HECW2: variants seen among roughly 807,000 people sequenced by gnomAD.
HECW2 encodes E3 ubiquitin-protein ligase HECW2.
Under a neutral mutation model 175.2 loss-of-function variants are expected in HECW2, and 61 were observed. The ratio of observed to expected loss-of-function variants is 0.35; its 90% confidence interval spans 0.28 to 0.43. The LOEUF is 0.43. Among genes scored for constraint, HECW2 ranks in the 20% least tolerant of loss-of-function variants. The pLI, the probability that HECW2 is intolerant of heterozygous loss-of-function variation, is 1.00. For missense variants in HECW2, 1,524 were observed against 2,000.5 expected (o/e 0.76, Z 4.54); for synonymous variants, 671 against 731.0 (o/e 0.92, Z 1.32).
chr2:196,591,835 A>G (rs1419321628), intron 1 of HECW2, among the ~76,000 whole-genome samples: 1 of 152,166 alleles, frequency 6.6e-6, no homozygotes, highest in Non-Finnish European at 1.5e-5. Flanking sequence ...CCCCATCCAG[A>G]TTAGGCCTTT....
intron 19 of HECW2, among the ~76,000 whole-genome samples, chr2:196,244,528 G>A (rs1688576840): frequency 6.6e-6 from 1 of 152,040 alleles, no homozygotes. Context: ...ACCACTTTGC[G>A]GCAGCCACTC....
At chr2:196,254,601 TCTC>T (rs1559466822) in intron 18 of HECW2, among the ~76,000 whole-genome samples, 2 of 152,318 alleles carry the variant, frequency 1.3e-5, no homozygotes, top group South Asian at 4.1e-4. Flanking sequence ...TCTTCTTTCT[TCTC>T]CATACTGAAA....
intron 1 of HECW2, among the ~76,000 whole-genome samples, chr2:196,496,207 A>G (rs1276579248): frequency 6.6e-6 from 1 of 151,538 alleles, no homozygotes; most frequent in Non-Finnish European, 1.5e-5. Context: ...TTACCTTTGT[A>G]TGTGTGTGTG....
intron 1 of HECW2, among the ~76,000 whole-genome samples, chr2:196,581,401 G>A (rs1690776057): frequency 6.6e-6 from 1 of 152,090 alleles, no homozygotes; most frequent in Non-Finnish European, 1.5e-5. Context: ...GGGCATGGTG[G>A]CATGTGCCTG....
chr2:196,559,980 T>G (rs988722633), intron 1 of HECW2, among the ~76,000 whole-genome samples: 2 of 152,176 alleles, frequency 1.3e-5, no homozygotes, highest in Admixed American at 1.3e-4. Flanking sequence ...CCAGTTCACT[T>G]GCAGAGAGGG....
chr2:196,356,397 A>C (rs1039456030), intron 2 of HECW2, among the ~76,000 whole-genome samples: 1 of 152,190 alleles, frequency 6.6e-6, no homozygotes, highest in South Asian at 2.1e-4. Context: ...GAAAATATTA[A>C]ATGGAAAATT....
At chr2:196,448,929 GA>G (rs1364188498) in intron 1 of HECW2, among the ~76,000 whole-genome samples, 2 of 151,926 alleles carry the variant, frequency 1.3e-5, no homozygotes, top group Admixed American at 6.6e-5. Flanking sequence ...TTTTTTGGGG[GA>G]AAAAATAATA....
At chr2:196,489,033 G>T (rs1687101985) in intron 1 of HECW2, among the ~76,000 whole-genome samples, 1 of 152,112 alleles carries the variant, frequency 6.6e-6, no homozygotes, top group Admixed American at 6.5e-5. Flanking sequence ...ACAAAAAAGA[G>T]ACTTGGGAGT....
At chr2:196,464,558 C>T (rs553556929) in intron 1 of HECW2, among the ~76,000 whole-genome samples, 2 of 152,266 alleles carry the variant, frequency 1.3e-5, no homozygotes, top group East Asian at 1.9e-4. Flanking sequence ...TAAAGTATAA[C>T]TCCCAGGATT....
At chr2:196,459,266 G>C (rs1036722996) in intron 1 of HECW2, among the ~76,000 whole-genome samples, 10 of 152,184 alleles carry the variant, frequency 6.6e-5, no homozygotes, top group African/African-American at 2.2e-4. Flanking sequence ...TAGCTGAAGA[G>C]AGATGGGAGA....
Position 196,569,468 on chromosome 2 carries a change from A to G in HECW2, c.-36+24040T>C, listed in dbSNP as rs373043322. ...AAAATGACTTCTGTCTACTTTTTCC[A>G]TATGATACTTTTTTATGCTTCTCTA... On this transcript the variant is annotated intron_variant, in intron 1 of 28. Transcript: ENST00000644978. Among the ~76,000 whole-genome samples the G allele has an allele frequency of 8.5e-5, 13 of 152,332 alleles. No homozygotes were observed. The East Asian group carries it at 2.3e-3, about 27-fold the overall frequency.
chr2:196,509,693 A>T (rs115685400), intron 1 of HECW2, among the ~76,000 whole-genome samples: 4 of 152,220 alleles, frequency 2.6e-5, no homozygotes. Context: ...TCCCTTAAAT[A>T]AAAAGGACAT....
At chr2:196,589,282 AAGGTGAC>A (rs1323641301) in intron 1 of HECW2, among the ~76,000 whole-genome samples, 4 of 152,214 alleles carry the variant, frequency 2.6e-5, no homozygotes, top group Non-Finnish European at 5.9e-5. Context: ...GAGTTTGGGA[AAGGTGAC>A]AGCCATAATT....
intron 2 of HECW2, among the ~76,000 whole-genome samples, chr2:196,407,234 G>A (rs1225663063): frequency 6.7e-6 from 1 of 150,260 alleles, no homozygotes; most frequent in Non-Finnish European, 1.5e-5. Flanking sequence ...TTAAGACAGG[G>A]TCTCTCCTGG....
intron 2 of HECW2, among the ~76,000 whole-genome samples, chr2:196,432,112 T>G (rs1413421658): frequency 1.3e-5 from 2 of 152,148 alleles, no homozygotes; most frequent in Non-Finnish European, 2.9e-5. Context: ...CATATCCCCC[T>G]ACCCAGTTGT....
At chr2:196,426,703 A>G (rs1695557465) in intron 2 of HECW2, among the ~76,000 whole-genome samples, 2 of 152,130 alleles carry the variant, frequency 1.3e-5, no homozygotes, top group Admixed American at 1.3e-4. Context: ...TCAGCACAGG[A>G]AAGAAAAATG....
intron 1 of HECW2, among the ~76,000 whole-genome samples, chr2:196,475,417 G>A (rs924825870): frequency 4.3e-5 from 6 of 140,838 alleles, no homozygotes; most frequent in African/African-American, 1.3e-4. Context: ...GAGGGGAGGG[G>A]AGAGAGACGA....
At chr2:196,451,744 C>T (rs1388866113) in intron 1 of HECW2, among the ~76,000 whole-genome samples, 1 of 152,016 alleles carries the variant, frequency 6.6e-6, no homozygotes, top group Non-Finnish European at 1.5e-5. Context: ...ACTAAAAATA[C>T]AAAAATTAGC....
At chr2:196,400,708 T>C (rs1252617098) in intron 2 of HECW2, among the ~76,000 whole-genome samples, 2 of 151,992 alleles carry the variant, frequency 1.3e-5, no homozygotes, top group African/African-American at 4.8e-5. Context: ...CCAGAAAGCA[T>C]ATTCTTATAA....
Sources: gnomAD v4.1 joint callset for allele counts (sites outside exome capture counted in the v4.1 genomes callset) on GRCh38, gnomAD v4.1.1 for gene constraint, MANE v1.5 for transcripts, NCBI Gene and HGNC (gene_info 2026-07-23, HGNC 2026-07-21) for gene names.